APOC1: variants seen among roughly 807,000 people sequenced by gnomAD.
APOC1 encodes the protein apolipoprotein C-I.
APOC1 carries 4 observed loss-of-function variants against 6.7 expected under a neutral mutation model. That is an observed-to-expected ratio of 0.60 (90% confidence interval 0.29 to 1.37). The LOEUF is 1.37. Among genes scored for constraint, APOC1 ranks in the 40% most tolerant of loss-of-function variants. The pLI is 0.09. For synonymous variants in APOC1, 33 were observed against 40.6 expected, an observed-to-expected ratio of 0.81 and a Z score of 0.72; for missense variants, 122 against 99.4, an observed-to-expected ratio of 1.23 and a Z score of -0.97.
At chr19:44,915,143 G>A in intron 2 of APOC1, 194 bp downstream of exon 2, 1 of 611,818 alleles carries the variant, frequency 1.6e-6, no homozygotes, top group Non-Finnish European at 2.9e-6. Flanking sequence ...GCGCAGGAGA[G>A]CACTAGCAAC....
intron 3 of APOC1, among the ~76,000 whole-genome samples, chr19:44,918,038 A>G (rs1437931959): frequency 6.6e-6 from 1 of 151,930 alleles, no homozygotes; most frequent in Non-Finnish European, 1.5e-5. Context: ...TGGGAGGCTG[A>G]GCAGGCGGAT....
rs545536296 is a variant in APOC1 at position 44,915,928 on chromosome 19, C to T, written c.59-262C>T. ...AGGTTGCAGTGAGCCGAGATCATAC[C>T]ACTGCACTCCAGCCTGGCTGACACA... On this transcript the variant is annotated intron_variant, in intron 2 of 3. Coordinates refer to ENST00000592535, the MANE Select transcript of APOC1 (RefSeq NM_001645.5). 9.2e-5 allele frequency among the ~76,000 whole-genome samples: 14 copies of T among 151,984 alleles called. No homozygotes were observed. In the East Asian group the frequency reaches 2.7e-3, roughly 30 times the overall value.
intron 2 of APOC1, 33 bp from the exon 3 acceptor site, chr19:44,916,153 AAAAC>A (rs750952848): frequency 2.0e-6 from 3 of 1,525,758 alleles, no homozygotes; most frequent in South Asian, 1.2e-5. Context: ...AAAAAAAAAA[AAAAC>A]AAATTTTGAA....
intron 3 of APOC1, 54 bp from the exon 4 acceptor site, chr19:44,919,119 A>T (rs913118735): frequency 1.3e-6 from 2 of 1,490,584 alleles, no homozygotes; most frequent in Admixed American, 1.7e-5. Flanking sequence ...CAGAATTTGG[A>T]CAGCCTGGGA....
intron 3 of APOC1, 140 bp from the exon 4 acceptor site, chr19:44,919,033 C>G (rs989691345): frequency 1.0e-5 from 8 of 783,894 alleles, no homozygotes; most frequent in Non-Finnish European, 1.5e-5. Flanking sequence ...CCCACCCAGC[C>G]CAGCGGTCCT....
intron 3 of APOC1, 168 bp downstream of exon 3, chr19:44,916,493 T>G (rs761707335): frequency 3.7e-5 from 32 of 868,340 alleles, no homozygotes; most frequent in Middle Eastern, 3.5e-4. Flanking sequence ...CAAGGACAGT[T>G]TCCCTGACTC....
At chr19:44,918,553 G>A (rs1410678100) in intron 3 of APOC1, among the ~76,000 whole-genome samples, 1 of 151,510 alleles carries the variant, frequency 6.6e-6, no homozygotes, top group Non-Finnish European at 1.5e-5. Context: ...GTAGAATGTA[G>A]AATTTACTTA....
chr19:44,916,084 C>G, intron 2 of APOC1, 106 bp from the exon 3 acceptor site: 1 of 1,308,322 alleles, frequency 7.6e-7, no homozygotes, highest in Non-Finnish European at 1.0e-6. Context: ...TTGCAGTAGG[C>G]CGAGATCATG....
chr19:44,914,828 AG>A (rs1568621264), intron 1 of APOC1, 43 bp from the exon 2 acceptor site: 10 of 1,511,718 alleles, frequency 6.6e-6, no homozygotes, highest in Non-Finnish European at 9.2e-6. Context: ...GTAGGGAGGG[AG>A]GAGGGTGCCA....
At chr19:44,917,678 C>T (rs1322412394) in intron 3 of APOC1, among the ~76,000 whole-genome samples, 1 of 151,660 alleles carries the variant, frequency 6.6e-6, no homozygotes, top group East Asian at 2.0e-4. Flanking sequence ...CAGGCATAAA[C>T]TTAGAAAGAT....
At chr19:44,918,207 G>C (rs879286860) in intron 3 of APOC1, among the ~76,000 whole-genome samples, 1 of 151,482 alleles carries the variant, frequency 6.6e-6, no homozygotes, top group East Asian at 2.0e-4. Flanking sequence ...GGCAGAGGTT[G>C]CAGTGAGCCG....
At chr19:44,918,659 G>A (rs1365163566) in intron 3 of APOC1, among the ~76,000 whole-genome samples, 3 of 151,806 alleles carry the variant, frequency 2.0e-5, no homozygotes, top group African/African-American at 7.3e-5. Context: ...TTACAGGCGT[G>A]AGCCACGGCG....
intron 3 of APOC1, 131 bp downstream of exon 3, chr19:44,916,456 C>T (rs1302271157): frequency 8.3e-7 from 1 of 1,198,142 alleles, no homozygotes; most frequent in South Asian, 1.4e-5. Flanking sequence ...TCTGGTCACA[C>T]AGCTAGATCT....
Position 44,916,140 on chromosome 19 carries a change from A to AAAAAAAAAAC in APOC1, c.59-41_59-40insCAAAAAAAAA, listed in dbSNP as rs1969999801. The AAAAAAAAAAC allele has an allele frequency of 3.8e-6, 5 of 1,312,062 alleles. No homozygotes were observed. In the African/African-American group the frequency reaches 7.8e-5, roughly 20 times the overall value. The allele number at this position is 1,312,062 out of a possible 1,614,324, so 81.3% of individuals were successfully genotyped here. A position where few individuals can be genotyped will look rare whatever the true frequency, so the allele number is the denominator to read the frequency against. On this transcript the variant is annotated intron_variant, in intron 2 of 3. Coordinates refer to ENST00000592535, the MANE Select transcript of APOC1 (RefSeq NM_001645.5). ...CTACAGAGCAAGACTCCATCTCCAA[A>AAAAAAAAAAC]AAAAAAAAAAAAAAAACAAATTTTG...
intron 2 of APOC1, 62 bp downstream of exon 2, chr19:44,915,011 C>T (rs1328975583): frequency 1.1e-5 from 17 of 1,504,246 alleles, no homozygotes; most frequent in Non-Finnish European, 1.6e-5. Context: ...TGGCTACAGG[C>T]CTGGGGTCCC....
chr19:44,916,360 G>C (rs763823753), intron 3 of APOC1, 35 bp downstream of exon 3: 41 of 1,610,704 alleles, frequency 2.5e-5, no homozygotes, highest in Non-Finnish European at 3.3e-5. Flanking sequence ...GAGAGCTGGG[G>C]TGTGTTTTTG....
chr19:44,918,337 CTTT>C (rs1200008263), intron 3 of APOC1, among the ~76,000 whole-genome samples: 104 of 90,344 alleles, frequency 1.2e-3, no homozygotes, highest in Middle Eastern at 9.4e-3. Flanking sequence ...TGAAGTGTTT[CTTT>C]TTTTTTTTTT....
rs1012139817 is a variant in APOC1 at position 44,919,240 on chromosome 19, G to A, written c.*10G>A. On this transcript the variant is annotated 3_prime_UTR_variant, in exon 4 of 4. Transcript: ENST00000592535. ...CAAGATTGACTCATGAGGACCTGAA[G>A]GGTGACATCCCAGGAGGGGCCTCTG... 3 of 1,613,556 alleles carry A rather than the reference G, an allele frequency of 1.9e-6. No homozygotes were observed. Among genetic ancestry groups the A allele is most frequent in the East Asian group, 2.2e-5 (1 of 44,884 alleles).
chr19:44,917,529 G>A (rs1405718816), intron 3 of APOC1, among the ~76,000 whole-genome samples: 1 of 151,808 alleles, frequency 6.6e-6, no homozygotes, highest in Non-Finnish European at 1.5e-5. Flanking sequence ...AGTGCGCCAT[G>A]TTTGTGCCAC....
Sources: allele counts gnomAD v4.1 joint callset (sites outside exome capture counted in the v4.1 genomes callset), GRCh38; gene constraint gnomAD v4.1.1; transcripts MANE v1.5; gene names NCBI Gene and HGNC (gene_info 2026-07-23, HGNC 2026-07-21).